LRRC63: variants seen among roughly 807,000 people sequenced by gnomAD.
LRRC63 encodes the protein leucine rich repeat containing 63.
A neutral mutation model predicts 49.5 loss-of-function variants in LRRC63; 40 were observed. The observed-to-expected ratio is 0.81, with a 90% CI of 0.63 to 1.05. The LOEUF is 1.05. LRRC63 is among the 50% of genes least tolerant of loss of function. The pLI is 0.00. For synonymous variants in LRRC63, 191 were observed against 221.1 expected (o/e 0.86, Z 1.21); for missense variants, 636 against 663.1 (o/e 0.96, Z 0.45).
chr13:46,272,153 C>T (rs996079289), intron 9 of LRRC63, among the ~76,000 whole-genome samples: 1 of 152,178 alleles, frequency 6.6e-6, no homozygotes, highest in African/African-American at 2.4e-5. Flanking sequence ...GAGATAATTC[C>T]TGTCCCAGGT....
intron 5 of LRRC63, 111 bp from the exon 6 acceptor site, chr13:46,246,416 T>C (rs2047214588): frequency 2.1e-6 from 1 of 473,358 alleles, no homozygotes; most frequent in African/African-American, 2.0e-5. Context: ...TGTTAGTATA[T>C]TGTGTAAAAC....
At chr13:46,232,962 C>T (rs1010707955) in intron 4 of LRRC63, among the ~76,000 whole-genome samples, 3 of 151,998 alleles carry the variant, frequency 2.0e-5, no homozygotes, top group African/African-American at 7.3e-5. Flanking sequence ...ATAATATACC[C>T]AATTAATAAT....
intron 4 of LRRC63, among the ~76,000 whole-genome samples, chr13:46,231,917 G>T (rs771868712): frequency 6.7e-6 from 1 of 149,650 alleles, no homozygotes; most frequent in Non-Finnish European, 1.5e-5. Context: ...CCAGGTTCGC[G>T]CCATTCTCCT....
chr13:46,220,928 A>C (rs1265445281), intron 2 of LRRC63, among the ~76,000 whole-genome samples: 1 of 152,134 alleles, frequency 6.6e-6, no homozygotes, highest in Non-Finnish European at 1.5e-5. Context: ...CTCGCCCTCC[A>C]TATTGGGAAG....
intron 7 of LRRC63, among the ~76,000 whole-genome samples, chr13:46,254,972 T>G (rs1341365248): frequency 6.6e-6 from 1 of 152,198 alleles, no homozygotes; most frequent in East Asian, 1.9e-4. Flanking sequence ...GTGGAAAACC[T>G]AATTGTTTTT....
rs138161178 is a variant in LRRC63 at position 46,223,959 on chromosome 13, T to C, written c.86-3553T>C. The stretch of plus-strand genomic sequence containing the variant: ...TTTCTTTATTGGTGACCAGATGCTT[T>C]TCTCTTGCTTTTTAAAGGGTATGCT... On this transcript the variant is annotated intron_variant, in intron 2 of 9. Coordinates refer to ENST00000595396, the Ensembl canonical transcript of LRRC63. Among the ~76,000 whole-genome samples, 16 of 152,320 alleles carry C rather than the reference T, an allele frequency of 1.1e-4. 1 individual carries two copies. In the East Asian group the frequency reaches 3.1e-3, roughly 29 times the overall value.
chr13:46,213,448 T>C (rs1259273649), intron 2 of LRRC63, among the ~76,000 whole-genome samples: 1 of 152,230 alleles, frequency 6.6e-6, no homozygotes, highest in Non-Finnish European at 1.5e-5. Context: ...GGAACAAGGC[T>C]ACCTCTACCT....
At chr13:46,261,780 G>A (rs529182237) in intron 7 of LRRC63, 129 bp from the exon 8 acceptor site, 1 of 350,610 alleles carries the variant, frequency 2.9e-6, no homozygotes, top group Non-Finnish European at 5.2e-6. Context: ...ATAATGAAAA[G>A]AAGTCCATAT....
chr13:46,276,329 A>G (rs116602141), intron 9 of LRRC63, among the ~76,000 whole-genome samples: 3,402 of 152,252 alleles, frequency 0.022, 128 homozygotes, highest in African/African-American at 0.077. Flanking sequence ...ACTATTTTCA[A>G]TTTGGGATCT....
At chr13:46,262,952 A>T (rs1375922324) in intron 8 of LRRC63, among the ~76,000 whole-genome samples, 1 of 152,186 alleles carries the variant, frequency 6.6e-6, no homozygotes, top group Non-Finnish European at 1.5e-5. Context: ...GCAGAATGAG[A>T]TAATTTTACC....
chr13:46,216,631 C>T lies in LRRC63; in HGVS notation c.85+3512C>T, dbSNP rs537197084. Among the ~76,000 whole-genome samples, 3 of 152,312 alleles carry T rather than the reference C, an allele frequency of 2.0e-5. No individual in the cohort carries two copies. In the South Asian group the frequency reaches 6.2e-4, roughly 32 times the overall value. On this transcript the variant is annotated intron_variant, in intron 2 of 9. Transcript: ENST00000595396. ...GCCTGATTGTGCTGGCCAGAACTTC[C>T]AATACCAGGTTAAATAGGAGTGGTG...
At chr13:46,270,158 G>T in intron 9 of LRRC63, 1 of 736,178 alleles carries the variant, frequency 1.4e-6, no homozygotes. Context: ...CAAAGCAGAT[G>T]TCAAAGGAAG....
intron 4 of LRRC63, among the ~76,000 whole-genome samples, chr13:46,233,699 A>G (rs1274498755): frequency 1.3e-5 from 2 of 152,088 alleles, no homozygotes; most frequent in Non-Finnish European, 2.9e-5. Context: ...TTTGTTTCCT[A>G]TGGGGGATCT....
chr13:46,253,208 G>C (rs1272047216), intron 7 of LRRC63, among the ~76,000 whole-genome samples: 1 of 151,200 alleles, frequency 6.6e-6, no homozygotes, highest in Non-Finnish European at 1.5e-5. Context: ...GAACAGAAAA[G>C]TCAAAGTAAA....
exon 3 of LRRC63, chr13:46,227,887 C>T (rs1235541153): frequency 1.6e-5 from 25 of 1,550,352 alleles, no homozygotes; most frequent in South Asian, 7.1e-5. Context: ...ATTCTTTCTT[C>T]CAAGTTTTCC....
chr13:46,233,255 C>A (rs572778410), intron 4 of LRRC63, among the ~76,000 whole-genome samples: 1 of 152,242 alleles, frequency 6.6e-6, no homozygotes, highest in African/African-American at 2.4e-5. Context: ...AGGGAGCAGG[C>A]CACAGACTTA....
intron 4 of LRRC63, 61 bp from the exon 5 acceptor site, chr13:46,234,131 A>T (rs968723430): frequency 3.5e-5 from 49 of 1,418,986 alleles, no homozygotes; most frequent in Non-Finnish European, 4.7e-5. Flanking sequence ...ATACCTCTTA[A>T]CTTTCATTCT....
At chr13:46,258,616 T>C (rs1372705980) in intron 7 of LRRC63, among the ~76,000 whole-genome samples, 2 of 150,572 alleles carry the variant, frequency 1.3e-5, no homozygotes, top group African/African-American at 4.9e-5. Context: ...GAGACCATCC[T>C]GGCCAACATG....
intron 8 of LRRC63, among the ~76,000 whole-genome samples, chr13:46,264,329 C>G (rs572962415): frequency 6.6e-6 from 1 of 152,160 alleles, no homozygotes; most frequent in African/African-American, 2.4e-5. Context: ...CCTTCTCCAT[C>G]TGTTTCGTAT....
Sources: gnomAD v4.1 joint callset for allele counts (sites outside exome capture counted in the v4.1 genomes callset) on GRCh38, gnomAD v4.1.1 for gene constraint, MANE v1.5 for transcripts, NCBI Gene and HGNC (gene_info 2026-07-23, HGNC 2026-07-21) for gene names.